Variants in L3MBTL4 observed in about 807,000 individuals in gnomAD.
The protein encoded by L3MBTL4 is L3MBTL histone methyl-lysine binding protein 4, also known as lethal(3)malignant brain tumor-like protein 4.
L3MBTL4 carries 70 observed loss-of-function variants against 84.5 expected under a neutral mutation model. That is an observed-to-expected ratio of 0.83 (90% CI 0.68 to 1.01). L3MBTL4 has a LOEUF of 1.01. L3MBTL4 is among the 50% of genes least tolerant of loss of function. The pLI, the probability that L3MBTL4 is intolerant of heterozygous loss-of-function variation, is 0.00. For missense variants in L3MBTL4, 715 were observed against 754.8 expected (o/e 0.95, Z 0.62); for synonymous variants, 274 against 259.8 (o/e 1.05, Z -0.52).
At chr18:6,116,458 G>T (rs1354655335) in intron 14 of L3MBTL4, among the ~76,000 whole-genome samples, 2 of 151,390 alleles carry the variant, frequency 1.3e-5, no homozygotes, top group Non-Finnish European at 2.9e-5. Flanking sequence ...CCGCCTCCCG[G>T]GTTCAAGCGA....
intron 16 of L3MBTL4, among the ~76,000 whole-genome samples, chr18:5,999,792 C>A (rs559631580): frequency 5.5e-4 from 84 of 152,312 alleles, no homozygotes; most frequent in Admixed American, 1.3e-3. Context: ...TCCTGGGTGG[C>A]CACTGCCAGA....
At chr18:6,114,853 G>A (rs1324804724) in intron 14 of L3MBTL4, among the ~76,000 whole-genome samples, 2 of 152,208 alleles carry the variant, frequency 1.3e-5, no homozygotes, top group Non-Finnish European at 2.9e-5. Flanking sequence ...TGCTGAGGGA[G>A]GATGAGTCAA....
At chr18:6,326,420 G>T (rs910150333) in intron 1 of L3MBTL4, 1 of 152,236 alleles carries the variant, frequency 6.6e-6, no homozygotes, top group Admixed American at 6.5e-5. Context: ...TGGAATGAGT[G>T]AACTAACTAA....
At chr18:6,386,713 G>A (rs1338558982) in intron 1 of L3MBTL4, among the ~76,000 whole-genome samples, 1 of 152,138 alleles carries the variant, frequency 6.6e-6, no homozygotes, top group African/African-American at 2.4e-5. Flanking sequence ...TTATGAAGCT[G>A]CTCAAGGAAC....
At chr18:5,975,318 C>G (rs998554752) in intron 16 of L3MBTL4, among the ~76,000 whole-genome samples, 1 of 152,186 alleles carries the variant, frequency 6.6e-6, no homozygotes, top group Non-Finnish European at 1.5e-5. Flanking sequence ...AGCAGTTCTA[C>G]TGTGTTCTCT....
At chr18:6,169,450 C>G (rs570085259) in intron 13 of L3MBTL4, among the ~76,000 whole-genome samples, 1 of 152,192 alleles carries the variant, frequency 6.6e-6, no homozygotes, top group East Asian at 1.9e-4. Context: ...CAATGATAGA[C>G]TGCATTAAGA....
At chr18:6,197,950 TG>T (rs910240296) in intron 12 of L3MBTL4, among the ~76,000 whole-genome samples, 2 of 152,220 alleles carry the variant, frequency 1.3e-5, no homozygotes, top group Non-Finnish European at 2.9e-5. Flanking sequence ...GAACTGGGGC[TG>T]GGGTGGCGCA....
At chr18:6,372,643 T>A (rs751193909) in intron 1 of L3MBTL4, among the ~76,000 whole-genome samples, 1 of 152,228 alleles carries the variant, frequency 6.6e-6, no homozygotes, top group Non-Finnish European at 1.5e-5. Flanking sequence ...GCTGACCTAC[T>A]GTTTCCAATC....
chr18:6,311,755 G>A (rs1219808139), intron 2 of L3MBTL4, 99 bp from the exon 3 acceptor site: 1 of 710,556 alleles, frequency 1.4e-6, no homozygotes, highest in African/African-American at 1.8e-5. Context: ...ACTTCTCATA[G>A]TTGGTTACTA....
chr18:6,340,453 A>C (rs372683700), intron 1 of L3MBTL4, among the ~76,000 whole-genome samples: 480 of 152,336 alleles, frequency 3.2e-3, no homozygotes, highest in African/African-American at 0.011. Flanking sequence ...AACTAAGAGC[A>C]AAGTGAGCAC....
chr18:6,138,682 G>C (rs904724884), intron 13 of L3MBTL4, among the ~76,000 whole-genome samples: 2 of 152,116 alleles, frequency 1.3e-5, no homozygotes, highest in African/African-American at 4.8e-5. Flanking sequence ...CTCCTGAGTA[G>C]CTGGAATTGC....
chr18:6,243,384 AACTTAAATAACC>A lies in L3MBTL4; in HGVS notation c.358_369del (p.Gly120_Ser123del), dbSNP rs2047530371. On this transcript the variant is annotated inframe_deletion, in exon 7 of 19. Transcript: ENST00000317931. ...CCAGCATTGGTCCAAAAATCATAGC[AACTTAAATAACC>A]ATCAAAATGAAGTCTTAGACGGTAA... The A allele has an allele frequency of 6.2e-7, 1 of 1,607,436 alleles. No individual in the cohort carries two copies. The highest frequency in any genetic ancestry group is 8.5e-7 in the Non-Finnish European group (1 of 1,177,184).
chr18:6,078,306 A>G (rs2057932573), intron 16 of L3MBTL4, among the ~76,000 whole-genome samples: 1 of 150,726 alleles, frequency 6.6e-6, no homozygotes, highest in Non-Finnish European at 1.5e-5. Flanking sequence ...GTGAGCCTGT[A>G]ATCCCAGTTA....
At chr18:6,331,937 C>T (rs942592439) in intron 1 of L3MBTL4, among the ~76,000 whole-genome samples, 25 of 148,396 alleles carry the variant, frequency 1.7e-4, no homozygotes, top group African/African-American at 4.2e-4. Context: ...ATTTACAAGG[C>T]GAGATTAAAA....
At chr18:6,220,330 T>C (rs1287284046) in intron 10 of L3MBTL4, among the ~76,000 whole-genome samples, 1 of 152,156 alleles carries the variant, frequency 6.6e-6, no homozygotes, top group Non-Finnish European at 1.5e-5. Context: ...TGACCTCATC[T>C]CCTGTTCACT....
intron 16 of L3MBTL4, among the ~76,000 whole-genome samples, chr18:6,050,097 C>A (rs1343581363): frequency 6.6e-6 from 1 of 152,074 alleles, no homozygotes; most frequent in East Asian, 1.9e-4. Context: ...ACCCACAATA[C>A]TCATGCTACT....
At chr18:6,122,649 C>A (rs189497703) in intron 14 of L3MBTL4, among the ~76,000 whole-genome samples, 1 of 152,146 alleles carries the variant, frequency 6.6e-6, no homozygotes, top group Non-Finnish European at 1.5e-5. Context: ...TTGTAAATTG[C>A]GCAGTCTTGG....
At chr18:6,031,946 G>A in intron 16 of L3MBTL4, 1 of 610,332 alleles carries the variant, frequency 1.6e-6, no homozygotes, top group Non-Finnish European at 2.1e-6. Flanking sequence ...CCCATTAAAA[G>A]GAATTTCTCC....
At chr18:6,230,386 T>C (rs1250064679) in intron 10 of L3MBTL4, among the ~76,000 whole-genome samples, 2 of 152,142 alleles carry the variant, frequency 1.3e-5, no homozygotes, top group Non-Finnish European at 2.9e-5. Flanking sequence ...TCCAGCTCCA[T>C]CCACATTGCT....
Sources: gnomAD v4.1 joint callset for allele counts (sites outside exome capture counted in the v4.1 genomes callset) on GRCh38, gnomAD v4.1.1 for gene constraint, MANE v1.5 for transcripts, NCBI Gene and HGNC (gene_info 2026-07-23, HGNC 2026-07-21) for gene names.